C1orf198: variants seen among roughly 807,000 people sequenced by gnomAD.
C1orf198 encodes uncharacterized protein C1orf198.
In C1orf198, 17 loss-of-function variants were observed where a neutral mutation model predicts 31.4. The ratio of observed to expected loss-of-function variants is 0.54; its 90% CI spans 0.37 to 0.81. C1orf198 has a LOEUF of 0.81. Ranked by LOEUF, C1orf198 falls within the 40% of genes least tolerant of loss-of-function variation. The probability of loss-of-function intolerance (pLI) is 0.00; values close to 1 mark genes in which losing one functional copy is unlikely to be tolerated. For synonymous variants in C1orf198, 175 were observed against 193.8 expected (o/e 0.90, Z 0.81); for missense variants, 401 against 450.3 (o/e 0.89, Z 0.99).
intron 1 of C1orf198, among the ~76,000 whole-genome samples, chr1:230,856,927 G>T (rs576051781): frequency 6.6e-6 from 1 of 152,328 alleles, no homozygotes; most frequent in Admixed American, 6.5e-5. Context: ...GGGCAAACCA[G>T]TTCTGCCCAC....
chr1:230,869,105 G>A (rs1042811033), upstream of C1orf198: 2 of 152,592 alleles, frequency 1.3e-5, no homozygotes, highest in Non-Finnish European at 1.5e-5. Flanking sequence ...GGCGCGGTGA[G>A]CTGCAGATAG....
chr1:230,866,334 G>A (rs1268039177), intron 1 of C1orf198, among the ~76,000 whole-genome samples: 1 of 152,188 alleles, frequency 6.6e-6, no homozygotes, highest in Non-Finnish European at 1.5e-5. Context: ...CTGAGCTGAG[G>A]CTGGTCAGAG....
At chr1:230,842,125 G>T (rs1669458566) in intron 3 of C1orf198, among the ~76,000 whole-genome samples, 1 of 152,156 alleles carries the variant, frequency 6.6e-6, no homozygotes, top group Non-Finnish European at 1.5e-5. Flanking sequence ...CCAGGAGCTT[G>T]CGGGGAGGGA....
chr1:230,842,227 C>T (rs1669460741), intron 3 of C1orf198, among the ~76,000 whole-genome samples: 1 of 152,116 alleles, frequency 6.6e-6, no homozygotes, highest in Non-Finnish European at 1.5e-5. Context: ...GGTTACACAG[C>T]ATTGAGAATG....
At chr1:230,851,711 G>A (rs1490932893) in intron 2 of C1orf198, among the ~76,000 whole-genome samples, 1 of 152,198 alleles carries the variant, frequency 6.6e-6, no homozygotes, top group African/African-American at 2.4e-5. Flanking sequence ...GGTAACAGAG[G>A]CACCACAGCC....
rs1670173283 is a variant in C1orf198, at chr1:230,868,386, T to C, written c.127A>G (p.Ile43Val). ...FSSLSPMARKIMQDKEKIREK... is the reference protein window; with the variant it reads ...FSSLSPMARKVMQDKEKIREK... ...CGGATCTTCTCCTTGTCCTGCATGATCTTCCTGGCCATGGGGCTCAGCGAC... is the reference window on the plus strand; with the variant it reads ...CGGATCTTCTCCTTGTCCTGCATGACCTTCCTGGCCATGGGGCTCAGCGAC... The change falls in exon 1 of 4, where the codon ATC becomes GTC. Residue 43 changes from isoleucine to valine, a missense_variant. Physicochemically the swap from Ile to Val is conservative, Grantham distance 29. Transcript: ENST00000366663. 2 of 1,598,312 alleles carry C rather than the reference T, an allele frequency of 1.3e-6. No individual in the cohort carries two copies. Among genetic ancestry groups the C allele is most frequent in the Admixed American group, 1.7e-5 (1 of 58,886 alleles).
chr1:230,861,017 A>G (rs1326872541), intron 1 of C1orf198, among the ~76,000 whole-genome samples: 3 of 152,188 alleles, frequency 2.0e-5, no homozygotes, highest in Non-Finnish European at 4.4e-5. Flanking sequence ...TATTCTGGAA[A>G]AGGCAAAACT....
intron 1 of C1orf198, among the ~76,000 whole-genome samples, chr1:230,858,380 C>T (rs1289632937): frequency 2.0e-5 from 3 of 152,306 alleles, no homozygotes; most frequent in African/African-American, 7.2e-5. Context: ...TTCATTAACT[C>T]TTCGTGAATA....
rs1417074661 is a variant in C1orf198, at chr1:230,843,713, A to G, written c.568T>C (p.Phe190Leu). 7 of 1,614,192 alleles carry G rather than the reference A, an allele frequency of 4.3e-6. 1 individual carries two copies. Among genetic ancestry groups the G allele is most frequent in the South Asian group, 3.3e-5 (3 of 91,088 alleles). The stretch of plus-strand genomic sequence containing the variant: ...GACCGCTCAGCATTGATCTTCCAGA[A>G]TGACGCTTCCTCCTCCTTCCTGGTG... ...GPTRKEEEAS[F>L]WKINAERSRG... The change falls in exon 3 of 4, where the codon TTC becomes CTC. Residue 190 changes from phenylalanine (F) to leucine (L), a missense_variant. Physicochemically the swap from Phe to Leu is conservative, Grantham distance 22 (BLOSUM62 0). Coordinates refer to ENST00000366663, the MANE Select transcript of C1orf198 (RefSeq NM_032800.3). The surrounding 1 kb of genome is among the most constrained non-coding windows in gnomAD (Gnocchi z 4.9).
chr1:230,866,338 G>C (rs1670120504), intron 1 of C1orf198, among the ~76,000 whole-genome samples: 1 of 152,204 alleles, frequency 6.6e-6, no homozygotes, highest in Non-Finnish European at 1.5e-5. Flanking sequence ...GCTGAGGCTG[G>C]TCAGAGGCAT....
At chr1:230,856,561 T>G (rs865821910) in intron 1 of C1orf198, among the ~76,000 whole-genome samples, 25 of 152,234 alleles carry the variant, frequency 1.6e-4, no homozygotes, top group Admixed American at 3.9e-4. Context: ...TTTGTTTGTT[T>G]GTTGGTTTGT....
chr1:230,861,337 T>G (rs1669999180), intron 1 of C1orf198, among the ~76,000 whole-genome samples: 1 of 152,222 alleles, frequency 6.6e-6, no homozygotes, highest in African/African-American at 2.4e-5. Context: ...CTCTGTACTT[T>G]CCGCTCAATT....
At chr1:230,861,509 A>G (rs1670003686) in intron 1 of C1orf198, among the ~76,000 whole-genome samples, 1 of 152,228 alleles carries the variant, frequency 6.6e-6, no homozygotes, top group African/African-American at 2.4e-5. Flanking sequence ...GAAATACCAT[A>G]TAGCGCGGTG....
intron 1 of C1orf198, among the ~76,000 whole-genome samples, chr1:230,867,557 G>A (rs1268955711): frequency 6.6e-6 from 1 of 152,162 alleles, no homozygotes; most frequent in African/African-American, 2.4e-5. Context: ...CATACGCTGG[G>A]CATTGTGCTC....
In C1orf198 at chr1:230,868,265, CG is replaced by C; in HGVS notation, c.247del (p.Arg83GlufsTer31). 6.3e-7 allele frequency: 1 copy of C among 1,578,380 alleles called. No individual in the cohort carries two copies. The highest frequency in any genetic ancestry group is 1.8e-5 in the Admixed American group (1 of 55,984). On this transcript the variant is annotated frameshift_variant, in exon 1 of 4. Transcript: ENST00000366663. LOFTEE classifies it high-confidence loss of function. ...GAGCTCCTCCGAGTCCCCGGGGTCTCGGGGCGCCGGGGCGCGCGGCCCCACC... is the reference window on the plus strand; with the variant it reads ...GAGCTCCTCCGAGTCCCCGGGGTCTCGGGCGCCGGGGCGCGCGGCCCCACC... Reference protein sequence around the residue: ...CLVGPRAPAPRDPGDSEELTR... With the variant: ...CLVGPRAPAPXDPGDSEELTR...
At chr1:230,847,067 C>A (rs1408378905) in intron 2 of C1orf198, among the ~76,000 whole-genome samples, 1 of 143,102 alleles carries the variant, frequency 7.0e-6, no homozygotes, top group African/African-American at 2.8e-5. Flanking sequence ...CCCGCCACTG[C>A]ACTCCAGCCT....
At chr1:230,859,403 C>A (rs1343029301) in intron 1 of C1orf198, among the ~76,000 whole-genome samples, 1 of 152,098 alleles carries the variant, frequency 6.6e-6, no homozygotes, top group Non-Finnish European at 1.5e-5. Flanking sequence ...AGTGTCAAAA[C>A]ACATCTGTTA....
At chr1:230,847,266 G>C (rs1669618146) in intron 2 of C1orf198, among the ~76,000 whole-genome samples, 1 of 147,178 alleles carries the variant, frequency 6.8e-6, no homozygotes, top group South Asian at 2.1e-4. Flanking sequence ...GCAACAGAAT[G>C]AGACTCTGTC....
chr1:230,844,964 C>T (rs1283595004), intron 2 of C1orf198, among the ~76,000 whole-genome samples: 1 of 152,204 alleles, frequency 6.6e-6, no homozygotes, highest in African/African-American at 2.4e-5. Flanking sequence ...GTCTTCCAAG[C>T]TCTGCAGAAC....
Sources: gnomAD v4.1 joint callset for allele counts (sites outside exome capture counted in the v4.1 genomes callset) on GRCh38, gnomAD v4.1.1 for gene constraint, Gnocchi (gnomAD v3.1) non-coding constraint, MANE v1.5 for transcripts, NCBI Gene and HGNC (gene_info 2026-07-23, HGNC 2026-07-21) for gene names.